The following CLEC16A variants were observed in gnomAD, a reference collection of about 807,000 sequenced individuals.
CLEC16A encodes the protein C-type lectin domain containing 16A, also known as protein CLEC16A.
CLEC16A carries 51 observed loss-of-function variants against 109.5 expected under a neutral mutation model. That is an observed-to-expected ratio of 0.47 (90% CI 0.37 to 0.59). The LOEUF is 0.59. Among genes scored for constraint, CLEC16A ranks in the 20% least tolerant of loss-of-function variants. The pLI, the probability that CLEC16A is intolerant of heterozygous loss-of-function variation, is 0.00. For missense variants in CLEC16A, 1,339 were observed against 1,394.0 expected, an observed-to-expected ratio of 0.96 and a Z score of 0.63; for synonymous variants, 673 against 564.2, an observed-to-expected ratio of 1.19 and a Z score of -2.73.
At chr16:11,065,797 T>G (rs989387226) in intron 19 of CLEC16A, among the ~76,000 whole-genome samples, 3 of 151,898 alleles carry the variant, frequency 2.0e-5, no homozygotes, top group Non-Finnish European at 2.9e-5. Flanking sequence ...ATGGCAGAGG[T>G]GAGGCTGAGG....
intron 22 of CLEC16A, among the ~76,000 whole-genome samples, chr16:11,135,320 G>C (rs2053492717): frequency 6.6e-6 from 1 of 152,184 alleles, no homozygotes; most frequent in African/African-American, 2.4e-5. Flanking sequence ...CTGGAGCTGG[G>C]CTCACACAGC....
At chr16:11,172,091 CACAT>C (rs1392953177) in intron 23 of CLEC16A, among the ~76,000 whole-genome samples, 2 of 152,096 alleles carry the variant, frequency 1.3e-5, no homozygotes, top group African/African-American at 4.8e-5. Context: ...TGCACATGCT[CACAT>C]ACACAAATTT....
rs1437715915 is a variant in CLEC16A, at chr16:11,174,387, A to G, written c.2807-3948A>G. The G allele has an allele frequency of 5.5e-6, 2 of 361,204 alleles. No individual in the cohort carries two copies. The highest frequency in any genetic ancestry group is 1.1e-5 in the Non-Finnish European group (2 of 178,086). 22.4% of individuals were successfully genotyped at this position (361,204 alleles called of 1,614,324 possible). A position where few individuals can be genotyped will look rare whatever the true frequency, so the allele number is the denominator to read the frequency against. ...GGTGGGCCAAGCTGGGCCTGAGCAC[A>G]GAGCCATTTGCCAAGGCGGCACTTC... is the stretch of plus-strand genomic sequence containing the variant. On this transcript the variant is annotated intron_variant, in intron 23 of 23. Coordinates refer to ENST00000409790, the MANE Select transcript of CLEC16A (RefSeq NM_015226.3). This position sits in a 1 kb window ranked among gnomAD's most constrained non-coding sequence, Gnocchi z 4.7.
In CLEC16A at chr16:11,174,623, C is replaced by A. The variant is rs1358116747; in HGVS notation, c.2807-3712C>A. On this transcript the variant is annotated intron_variant, in intron 23 of 23. Transcript: ENST00000409790. The surrounding 1 kb of genome is among the most constrained non-coding windows in gnomAD (Gnocchi z 4.7). Reference sequence around the variant, plus strand: ...CCGGGCCAGAAGCAGATGCTCCTGCCAAGTCCCCCAGGGGTCCCCCCAGTT... The same window carrying A: ...CCGGGCCAGAAGCAGATGCTCCTGCAAAGTCCCCCAGGGGTCCCCCCAGTT... Among the ~76,000 whole-genome samples the A allele has an allele frequency of 3.9e-5, 6 of 152,264 alleles. 1 individual carries two copies. In the East Asian group the frequency reaches 1.2e-3, roughly 29 times the overall value.
In CLEC16A at chr16:10,991,334, G is replaced by A. The variant is rs370096168; in HGVS notation, c.1071+8343G>A. Among the ~76,000 whole-genome samples the A allele has an allele frequency of 2.1e-5, 3 of 143,980 alleles. No homozygotes were observed. The Admixed American group carries it at 2.3e-4, about 11-fold the overall frequency. The allele number at this position is 143,980 out of a possible 152,430, so 94.5% of individuals were successfully genotyped here. On this transcript the variant is annotated intron_variant, in intron 10 of 23. Coordinates refer to ENST00000409790, the MANE Select transcript of CLEC16A (RefSeq NM_015226.3). Reference sequence around the variant, plus strand: ...GGAGGAAGAGCATTTTGGTCATAAAGAACATCGTGAACCTGGGAGGCGGAG... The same window carrying A: ...GGAGGAAGAGCATTTTGGTCATAAAAAACATCGTGAACCTGGGAGGCGGAG...
At chr16:11,165,055 G>A (rs1436676691) in intron 22 of CLEC16A, among the ~76,000 whole-genome samples, 1 of 152,172 alleles carries the variant, frequency 6.6e-6, no homozygotes, top group Non-Finnish European at 1.5e-5. Flanking sequence ...ACCGCAATTT[G>A]GGGCTGCTTC....
At chr16:11,129,025 G>A (rs1307240160) in intron 22 of CLEC16A, among the ~76,000 whole-genome samples, 1 of 152,138 alleles carries the variant, frequency 6.6e-6, no homozygotes, top group Non-Finnish European at 1.5e-5. Context: ...GGTGGTGGCT[G>A]TGAGATCCGG....
intron 16 of CLEC16A, among the ~76,000 whole-genome samples, 188 bp from the exon 17 acceptor site, chr16:11,047,104 A>G (rs2047673906): frequency 6.6e-6 from 1 of 152,088 alleles, no homozygotes; most frequent in Admixed American, 6.5e-5. Context: ...GTGCAATTTG[A>G]TATTTGGTCT....
chr16:11,032,905 G>A (rs367866972), intron 13 of CLEC16A, among the ~76,000 whole-genome samples: 6 of 152,288 alleles, frequency 3.9e-5, no homozygotes, highest in Middle Eastern at 3.4e-3. Context: ...AACCCCTACC[G>A]AATTTTTAAG....
chr16:11,016,905 C>G (rs74455431), intron 11 of CLEC16A, among the ~76,000 whole-genome samples: 120 of 149,470 alleles, frequency 8.0e-4, no homozygotes, highest in Non-Finnish European at 9.9e-4. Context: ...GTGGGAGACT[C>G]TGATCTTTGA....
chr16:10,964,612 C>T (rs941078188), intron 3 of CLEC16A, among the ~76,000 whole-genome samples: 11 of 152,224 alleles, frequency 7.2e-5, no homozygotes, highest in Non-Finnish European at 1.0e-4. Flanking sequence ...AAGGCAACAT[C>T]ACCCTCAGTG....
At chr16:11,007,996 C>T (rs1440168367) in intron 11 of CLEC16A, among the ~76,000 whole-genome samples, 1 of 152,032 alleles carries the variant, frequency 6.6e-6, no homozygotes, top group African/African-American at 2.4e-5. Flanking sequence ...GTTCTCAACT[C>T]AATCTCCTGC....
intron 1 of CLEC16A, among the ~76,000 whole-genome samples, chr16:10,945,705 G>A (rs1289197392): frequency 1.3e-5 from 2 of 152,152 alleles, no homozygotes; most frequent in African/African-American, 2.4e-5. Flanking sequence ...ATAGTAGGTG[G>A]CCAGTAGTGG....
chr16:10,989,542 A>T (rs1391775598), intron 10 of CLEC16A, among the ~76,000 whole-genome samples: 1 of 152,188 alleles, frequency 6.6e-6, no homozygotes, highest in Non-Finnish European at 1.5e-5. Context: ...GCTGGAAAGT[A>T]TAAATACTTA....
At chr16:11,156,502 G>T in intron 22 of CLEC16A, 1 of 869,906 alleles carries the variant, frequency 1.1e-6, no homozygotes, top group Non-Finnish European at 1.7e-6. Flanking sequence ...CTCCAGCTGG[G>T]GTCAGTGAGC....
At chr16:11,115,322 T>C (rs1200106987) in intron 19 of CLEC16A, among the ~76,000 whole-genome samples, 1 of 152,226 alleles carries the variant, frequency 6.6e-6, no homozygotes, top group Non-Finnish European at 1.5e-5. Context: ...TTTTGTTCTA[T>C]TTTTAAAGAG....
At chr16:11,124,415 C>G (rs1473236639) in intron 21 of CLEC16A, among the ~76,000 whole-genome samples, 1 of 152,210 alleles carries the variant, frequency 6.6e-6, no homozygotes, top group South Asian at 2.1e-4. Flanking sequence ...AAACTTACCC[C>G]TTCCTCCTTC....
chr16:10,979,003 C>G (rs1200808376), intron 8 of CLEC16A, among the ~76,000 whole-genome samples: 66 of 152,146 alleles, frequency 4.3e-4, no homozygotes, highest in Non-Finnish European at 5.9e-5. Context: ...GGAGGCCTCT[C>G]CTGCCGGGGC....
chr16:11,159,986 T>C (rs1415195990), intron 22 of CLEC16A, among the ~76,000 whole-genome samples: 1 of 152,284 alleles, frequency 6.6e-6, no homozygotes, highest in East Asian at 1.9e-4. Context: ...GCGAGGTTAG[T>C]GCTTTTGAGT....
Sources: gnomAD v4.1 joint callset for allele counts (sites outside exome capture counted in the v4.1 genomes callset) on GRCh38, gnomAD v4.1.1 for gene constraint, Gnocchi (gnomAD v3.1) non-coding constraint, MANE v1.5 for transcripts, NCBI Gene and HGNC (gene_info 2026-07-23, HGNC 2026-07-21) for gene names.